STK31: variants seen among roughly 807,000 people sequenced by gnomAD.
The protein encoded by STK31 is serine/threonine-protein kinase 31.
STK31 carries 89 observed loss-of-function variants against 129.7 expected under a neutral mutation model. The observed-to-expected ratio is 0.69, with a 90% CI of 0.58 to 0.82. The LOEUF is 0.82. Among genes scored for constraint, STK31 ranks in the 40% least tolerant of loss-of-function variants. STK31 has a pLI of 0.00. For synonymous variants in STK31, 448 were observed against 395.3 expected (o/e 1.13, Z -1.58); for missense variants, 1,187 against 1,176.4 (o/e 1.01, Z -0.13).
chr7:23,826,482 C>G (rs548935418), intron 23 of STK31, among the ~76,000 whole-genome samples: 1 of 152,116 alleles, frequency 6.6e-6, no homozygotes, highest in Middle Eastern at 3.2e-3. Flanking sequence ...TATTTTGAGC[C>G]TATGTGTGTC....
In STK31 at chr7:23,769,771, T is replaced by G. The variant is rs548047688; in HGVS notation, c.1713+15T>G. 1 of 1,504,138 alleles carries G rather than the reference T, an allele frequency of 6.6e-7. No homozygotes were observed. Among genetic ancestry groups the G allele is most frequent in the South Asian group, 1.2e-5 (1 of 85,364 alleles). 93.2% of individuals were successfully genotyped at this position (1,504,138 alleles called of 1,614,324 possible). ...TAGCTCTGGTTGTGAGTATCGATATTCTTTATTATTGCCTCCTTTGAAGCA... is the reference window on the plus strand; with the variant it reads ...TAGCTCTGGTTGTGAGTATCGATATGCTTTATTATTGCCTCCTTTGAAGCA... On this transcript the variant is annotated intron_variant, in intron 13 of 23. Transcript: ENST00000355870.
chr7:23,788,474 A>G (rs981743236), intron 21 of STK31, among the ~76,000 whole-genome samples: 37 of 152,174 alleles, frequency 2.4e-4, no homozygotes, highest in Non-Finnish European at 4.4e-4. Flanking sequence ...CCCTCCGTCT[A>G]TAGATACAAT....
intron 4 of STK31, chr7:23,721,385 T>G: frequency 9.8e-7 from 1 of 1,018,116 alleles, no homozygotes; most frequent in Non-Finnish European, 1.5e-6. Flanking sequence ...TCTCAGTAAA[T>G]TTTGAGGTGG....
chr7:23,810,687 T>TTATATATAAAATAGA (rs1254881376), intron 22 of STK31, among the ~76,000 whole-genome samples: 5 of 118,456 alleles, frequency 4.2e-5, no homozygotes, highest in East Asian at 2.2e-4. Flanking sequence ...AAAATAGATA[T>TTATATATAAAATAGA]TATATATAAA....
At chr7:23,776,092 GT>G (rs1307612859) in intron 15 of STK31, among the ~76,000 whole-genome samples, 9 of 152,258 alleles carry the variant, frequency 5.9e-5, no homozygotes, top group African/African-American at 2.2e-4. Context: ...TAGTCGTGTG[GT>G]TTTTGTCATT....
intron 23 of STK31, among the ~76,000 whole-genome samples, chr7:23,820,247 T>C (rs1793720752): frequency 6.6e-6 from 1 of 152,190 alleles, no homozygotes; most frequent in Non-Finnish European, 1.5e-5. Context: ...CATACCCAAG[T>C]CCTACAGTTG....
intron 11 of STK31, among the ~76,000 whole-genome samples, chr7:23,768,028 T>C (rs1447243515): frequency 1.3e-5 from 2 of 152,122 alleles, no homozygotes; most frequent in Non-Finnish European, 2.9e-5. Flanking sequence ...TTATTGTTAC[T>C]GTTATTTTTT....
intron 7 of STK31, 86 bp from the exon 8 acceptor site, chr7:23,736,818 A>T: frequency 8.9e-7 from 1 of 1,125,930 alleles, no homozygotes; most frequent in Non-Finnish European, 1.2e-6. Context: ...ATATTGTGGC[A>T]TAAAAGGACC....
intron 10 of STK31, among the ~76,000 whole-genome samples, chr7:23,757,929 T>C (rs1037071433): frequency 2.0e-5 from 3 of 152,200 alleles, no homozygotes; most frequent in Non-Finnish European, 4.4e-5. Flanking sequence ...GGAGTGGTGA[T>C]GATTTTTAAC....
rs1791408892 is a variant in STK31, at chr7:23,788,090, A to G, written c.2598A>G (p.Glu866=). The stretch of plus-strand genomic sequence containing the variant: ...ACAATGTATTTGCTTTAAACCGTGA[A>G]CAAGGAATTGTTGGAGATTTTGACT... ...HQNNVFALNR[E]QGIVGDFDFT... The change falls in exon 21 of 24, where the codon GAA becomes GAG. Residue 866 remains glutamate, a synonymous_variant. Transcript: ENST00000355870. 6.2e-7 allele frequency: 1 copy of G among 1,612,518 alleles called. No individual in the cohort carries two copies. The highest frequency in any genetic ancestry group is 8.5e-7 in the Non-Finnish European group (1 of 1,179,412).
chr7:23,815,693 G>A (rs967375485), intron 23 of STK31, among the ~76,000 whole-genome samples: 2 of 152,104 alleles, frequency 1.3e-5, no homozygotes, highest in African/African-American at 4.8e-5. Context: ...TATAAGTTGA[G>A]TAATTAGCAA....
chr7:23,737,632 A>T (rs1787793527), intron 8 of STK31, among the ~76,000 whole-genome samples: 1 of 152,238 alleles, frequency 6.6e-6, no homozygotes, highest in Admixed American at 6.5e-5. Flanking sequence ...TGAATGCCAC[A>T]TGATTGTAGG....
intron 22 of STK31, among the ~76,000 whole-genome samples, chr7:23,813,078 C>CTTTTTTTTTATTTTTTT (rs1793242979): frequency 1.1e-5 from 1 of 94,116 alleles, no homozygotes; most frequent in African/African-American, 4.2e-5. Flanking sequence ...GCTCTCTGTT[C>CTTTTTTTTTATTTTTTT]TTTTTTTTTT....
At chr7:23,772,311 T>C (rs1237610820) in intron 15 of STK31, 33 bp downstream of exon 15, 5 of 1,587,876 alleles carry the variant, frequency 3.1e-6, no homozygotes, top group East Asian at 2.3e-5. Flanking sequence ...CTGATCTTTA[T>C]GTGCATCTCA....
At chr7:23,818,190 G>C (rs774075895) in intron 23 of STK31, among the ~76,000 whole-genome samples, 91 of 152,046 alleles carry the variant, frequency 6.0e-4, no homozygotes, top group Non-Finnish European at 1.0e-3. Context: ...TCTCTGTTGA[G>C]CTATAAAGTT....
intron 15 of STK31, among the ~76,000 whole-genome samples, chr7:23,779,384 G>C (rs376646856): frequency 1.3e-5 from 2 of 152,204 alleles, no homozygotes; most frequent in East Asian, 1.9e-4. Flanking sequence ...GAGATCCGCT[G>C]CTCTCTTCAG....
At chr7:23,755,905 A>G (rs1317787374) in intron 10 of STK31, among the ~76,000 whole-genome samples, 4 of 152,272 alleles carry the variant, frequency 2.6e-5, no homozygotes, top group African/African-American at 9.6e-5. Context: ...GTAGCCTTGT[A>G]GTATAGTTTG....
chr7:23,829,257 G>T (rs73273218), intron 23 of STK31, among the ~76,000 whole-genome samples: 4,587 of 152,120 alleles, frequency 0.03, 259 homozygotes, highest in African/African-American at 0.1. Context: ...GTTAGCTGTG[G>T]CTTTGTTACA....
At chr7:23,828,569 C>T (rs1159595875) in intron 23 of STK31, among the ~76,000 whole-genome samples, 1 of 152,238 alleles carries the variant, frequency 6.6e-6, no homozygotes, top group Non-Finnish European at 1.5e-5. Context: ...CGCCCTGCTT[C>T]AGCTCACGCA....
Sources: allele counts gnomAD v4.1 joint callset (sites outside exome capture counted in the v4.1 genomes callset), GRCh38; gene constraint gnomAD v4.1.1; transcripts MANE v1.5; gene names NCBI Gene and HGNC (gene_info 2026-07-23, HGNC 2026-07-21).